Variants in FSTL5 observed in about 807,000 individuals in gnomAD.
The protein encoded by FSTL5 is follistatin like 5.
In FSTL5, 62 loss-of-function variants were observed where a neutral mutation model predicts 89.1. The observed-to-expected ratio is 0.70, with a 90% CI of 0.57 to 0.86. The LOEUF is 0.86. FSTL5 is among the 40% of genes least tolerant of loss of function. The probability of loss-of-function intolerance (pLI) is 0.00; values close to 1 mark genes in which losing one functional copy is unlikely to be tolerated. For missense variants in FSTL5, 1,057 were observed against 1,001.6 expected (o/e 1.06, Z -0.75); for synonymous variants, 383 against 346.2 (o/e 1.11, Z -1.18).
intron 10 of FSTL5, among the ~76,000 whole-genome samples, chr4:161,524,730 C>T (rs375128969): frequency 1.5e-4 from 23 of 152,098 alleles, no homozygotes; most frequent in Admixed American, 3.3e-4. Flanking sequence ...GAGGCTGAGA[C>T]GGGCGGATCA....
chr4:161,450,372 A>G (rs1005977549), intron 15 of FSTL5, among the ~76,000 whole-genome samples: 6 of 152,030 alleles, frequency 3.9e-5, no homozygotes, highest in African/African-American at 1.5e-4. Context: ...GGCAGCAAAA[A>G]TAAAACAATT....
intron 4 of FSTL5, among the ~76,000 whole-genome samples, chr4:161,783,703 CTTTCTTTCTTTCTTTCTTTCTTCTTTTCT>C (rs1424207350): frequency 7.7e-4 from 19 of 24,624 alleles, no homozygotes; most frequent in South Asian, 1.6e-3. Context: ...TTCTTTCTTT[CTTTCTTTCTTTCTTTCTTTCTTCTTTTCT>C]TTTCTTTCTT....
At chr4:161,980,477 C>T (rs1053868679) in intron 3 of FSTL5, among the ~76,000 whole-genome samples, 1 of 150,766 alleles carries the variant, frequency 6.6e-6, no homozygotes, top group Non-Finnish European at 1.5e-5. Context: ...CAGCAGTTTG[C>T]TTTTTTTTTC....
At chr4:161,503,581 T>C (rs1473090817) in intron 11 of FSTL5, among the ~76,000 whole-genome samples, 3 of 151,994 alleles carry the variant, frequency 2.0e-5, no homozygotes, top group Admixed American at 6.6e-5. Context: ...CATTATAACA[T>C]TTGCCTTGCT....
intron 7 of FSTL5, among the ~76,000 whole-genome samples, chr4:161,595,759 G>A (rs1302462083): frequency 6.6e-6 from 1 of 151,722 alleles, no homozygotes; most frequent in African/African-American, 2.4e-5. Flanking sequence ...TTAACCACAG[G>A]TTTTTAACCA....
intron 5 of FSTL5, among the ~76,000 whole-genome samples, chr4:161,774,038 G>A (rs182520500): frequency 1.3e-5 from 2 of 152,202 alleles, no homozygotes; most frequent in East Asian, 3.9e-4. Flanking sequence ...GAGACTGGTG[G>A]ATCACGAGGT....
intron 3 of FSTL5, among the ~76,000 whole-genome samples, chr4:161,960,978 A>G (rs890654189): frequency 4.6e-5 from 7 of 152,134 alleles, no homozygotes; most frequent in African/African-American, 1.7e-4. Context: ...CATCCTAAAT[A>G]TATATCTCAT....
intron 6 of FSTL5, among the ~76,000 whole-genome samples, chr4:161,754,589 G>C (rs1291544659): frequency 6.6e-6 from 1 of 152,026 alleles, no homozygotes; most frequent in Non-Finnish European, 1.5e-5. Flanking sequence ...AGCAGTTTCA[G>C]AACAAAAATT....
intron 6 of FSTL5, among the ~76,000 whole-genome samples, chr4:161,706,006 A>G (rs1350125189): frequency 3.1e-5 from 4 of 130,840 alleles, no homozygotes; most frequent in African/African-American, 1.1e-4. Context: ...ACACACATCT[A>G]CACACACACA....
At chr4:161,973,018 A>AT (rs1735529647) in intron 3 of FSTL5, among the ~76,000 whole-genome samples, 1 of 152,036 alleles carries the variant, frequency 6.6e-6, no homozygotes, top group African/African-American at 2.4e-5. Context: ...AGGAATTGGT[A>AT]TTTTTTTACT....
intron 2 of FSTL5, among the ~76,000 whole-genome samples, chr4:162,088,943 CTTG>C: frequency 1.3e-5 from 2 of 152,252 alleles, no homozygotes; most frequent in Middle Eastern, 3.4e-3. Context: ...GTGTAGGATA[CTTG>C]ATCCCCAATG....
chr4:161,489,330 C>T (rs575821964), intron 12 of FSTL5, among the ~76,000 whole-genome samples: 113 of 152,018 alleles, frequency 7.4e-4, no homozygotes, highest in Non-Finnish European at 1.3e-3. Flanking sequence ...GAAAGGTAAA[C>T]ATTTGAATAG....
chr4:161,731,206 G>T (rs1739597328), intron 6 of FSTL5, among the ~76,000 whole-genome samples: 1 of 152,130 alleles, frequency 6.6e-6, no homozygotes, highest in African/African-American at 2.4e-5. Context: ...ACACACTCAA[G>T]ATGATGAATC....
intron 6 of FSTL5, among the ~76,000 whole-genome samples, chr4:161,755,619 G>T (rs965962504): frequency 4.6e-5 from 7 of 151,996 alleles, no homozygotes; most frequent in Admixed American, 1.3e-4. Flanking sequence ...TATAAAGTAT[G>T]TGGAGGAAGG....
intron 6 of FSTL5, among the ~76,000 whole-genome samples, chr4:161,690,972 G>A (rs542289126): frequency 6.6e-6 from 1 of 152,240 alleles, no homozygotes; most frequent in South Asian, 2.1e-4. Flanking sequence ...TCCCTGCAAA[G>A]CACATGATTT....
At chr4:161,498,571 T>C (rs1195645261) in intron 12 of FSTL5, among the ~76,000 whole-genome samples, 3 of 152,174 alleles carry the variant, frequency 2.0e-5, no homozygotes, top group African/African-American at 7.2e-5. Context: ...GTATTAGTAA[T>C]TGAAGTTTCA....
chr4:161,386,045 G>C lies in FSTL5; in HGVS notation c.2246C>G (p.Thr749Ser). 6.2e-7 allele frequency: 1 copy of C among 1,614,056 alleles called. No individual in the cohort carries two copies. Among genetic ancestry groups the C allele is most frequent in the Non-Finnish European group, 8.5e-7 (1 of 1,179,990 alleles). Residue 749 changes from threonine (T) to serine (S), a missense_variant, in exon 16 of 16, where the codon ACT becomes AGT. Transcript: ENST00000306100. ...GTAGATGTTATATTGGTGGGCTTCA[G>C]TAAAGGATGGTTGAAATGCCAGATC... ...ISDLAFQPSFTEAHQYNIYGS... is the reference protein window; with the variant it reads ...ISDLAFQPSFSEAHQYNIYGS...
At chr4:161,771,909 T>C (rs1741223371) in intron 5 of FSTL5, among the ~76,000 whole-genome samples, 1 of 152,180 alleles carries the variant, frequency 6.6e-6, no homozygotes, top group Non-Finnish European at 1.5e-5. Context: ...AAAGACTAAC[T>C]GTGCAATTAT....
chr4:162,088,236 TA>T (rs1374562136), intron 2 of FSTL5, among the ~76,000 whole-genome samples: 1 of 141,946 alleles, frequency 7.0e-6, no homozygotes, highest in African/African-American at 2.6e-5. Flanking sequence ...ATAATTTTTT[TA>T]AATCTAGATT....
Sources: allele counts gnomAD v4.1 joint callset (sites outside exome capture counted in the v4.1 genomes callset), GRCh38; gene constraint gnomAD v4.1.1; transcripts MANE v1.5; gene names NCBI Gene and HGNC (gene_info 2026-07-23, HGNC 2026-07-21).